ZBTB8B: variants seen among roughly 807,000 people sequenced by gnomAD.
The protein encoded by ZBTB8B is zinc finger and BTB domain-containing protein 8B.
Under a neutral mutation model 30.3 loss-of-function variants are expected in ZBTB8B, and 17 were observed. That is an observed-to-expected ratio of 0.56 (90% CI 0.38 to 0.84). The LOEUF (loss-of-function observed/expected upper bound fraction) is 0.84, where lower values mean the gene tolerates loss of function less well. ZBTB8B is among the 40% of genes least tolerant of loss of function. ZBTB8B has a pLI of 0.00. For missense variants in ZBTB8B, 515 were observed against 644.9 expected (o/e 0.80, Z 2.18); for synonymous variants, 248 against 255.6 (o/e 0.97, Z 0.28).
Position 32,485,559 on chromosome 1 carries a change from T to C in ZBTB8B, c.*141T>C, listed in dbSNP as rs1377410807. ...TTATATGTGCATTTTTATTAGACTA[T>C]CTGATAGAGGTTGGATTTTGTGACT... On this transcript the variant is annotated 3_prime_UTR_variant, in exon 4 of 4. Coordinates refer to ENST00000609129, the MANE Select transcript of ZBTB8B (RefSeq NM_001145720.2). The C allele has an allele frequency of 1.1e-5, 10 of 876,732 alleles. No individual in the cohort carries two copies. Among genetic ancestry groups the C allele is most frequent in the Admixed American group, 2.8e-5 (1 of 35,098 alleles). The allele number at this position is 876,732 out of a possible 1,614,324, so 54.3% of individuals were successfully genotyped here.
chr1:32,481,589 G>A (rs562595453), intron 3 of ZBTB8B, among the ~76,000 whole-genome samples: 2 of 152,214 alleles, frequency 1.3e-5, no homozygotes, highest in Admixed American at 6.5e-5. Flanking sequence ...ATTCCAACCC[G>A]CTGAAAACCA....
Position 32,470,849 on chromosome 1 carries a change from CT to C in ZBTB8B, c.227del (p.Phe76SerfsTer5). On this transcript the variant is annotated frameshift_variant, in exon 2 of 4. Transcript: ENST00000609129. LOFTEE classifies it high-confidence loss of function. ...ASLDIVTSDA[F>X]SIILDFLYSG... ...CCTTGGACATTGTCACCTCTGATGC[CT>C]TCTCCATCATCTTAGATTTCCTCTA... is the stretch of plus-strand genomic sequence containing the variant. The C allele has an allele frequency of 6.4e-7, 1 of 1,551,938 alleles. No homozygotes were observed. The highest frequency in any genetic ancestry group is 8.7e-7 in the Non-Finnish European group (1 of 1,147,040).
chr1:32,485,619 G>C lies in ZBTB8B; in HGVS notation c.*201G>C. On this transcript the variant is annotated 3_prime_UTR_variant, in exon 4 of 4. Coordinates refer to ENST00000609129, the MANE Select transcript of ZBTB8B (RefSeq NM_001145720.2). ...GATAACCTTTTTGTGTGGTGCCCTT[G>C]GTTTCTGAGGGCTTTGCTGGCCACT... 5.0e-6 allele frequency: 3 copies of C among 595,692 alleles called. No homozygotes were observed. The highest frequency in any genetic ancestry group is 4.1e-5 in the South Asian group (2 of 48,336). 36.9% of individuals were successfully genotyped at this position (595,692 alleles called of 1,614,324 possible).
At position 32,478,757 on chromosome 1, in the gene ZBTB8B, A is replaced by G. The variant is rs548075214; in HGVS notation, c.992-2134A>G. Among the ~76,000 whole-genome samples the G allele has an allele frequency of 5.9e-4, 90 of 152,300 alleles. 3 individuals carry two copies. In the South Asian group the frequency reaches 0.018, roughly 31 times the overall value. On this transcript the variant is annotated intron_variant, in intron 2 of 3. Coordinates refer to ENST00000609129, the MANE Select transcript of ZBTB8B (RefSeq NM_001145720.2). ...TAAAGGATGTTGGACTTTCACATTC[A>G]GTTTAGTGTGCCATACTTTTCATAG...
chr1:32,468,594 T>G (rs1218611361), intron 1 of ZBTB8B, among the ~76,000 whole-genome samples: 1 of 152,170 alleles, frequency 6.6e-6, no homozygotes, highest in African/African-American at 2.4e-5. Context: ...GAATGCATGC[T>G]GGCTAGCCCA....
At chr1:32,478,086 G>A (rs1643677660) in intron 2 of ZBTB8B, among the ~76,000 whole-genome samples, 1 of 152,028 alleles carries the variant, frequency 6.6e-6, no homozygotes, top group Non-Finnish European at 1.5e-5. Flanking sequence ...TGCACATGGT[G>A]GCACACGCCT....
At chr1:32,485,070 T>C in intron 3 of ZBTB8B, 31 bp from the exon 4 acceptor site, 5 of 1,542,246 alleles carry the variant, frequency 3.2e-6, no homozygotes, top group Non-Finnish European at 4.4e-6. Flanking sequence ...TCCTTTTCTG[T>C]GACATCTACT....
Position 32,485,537 on chromosome 1 carries a change from T to A in ZBTB8B, c.*119T>A. On this transcript the variant is annotated 3_prime_UTR_variant, in exon 4 of 4. Coordinates refer to ENST00000609129, the MANE Select transcript of ZBTB8B (RefSeq NM_001145720.2). ...GAGGAACATTTTTTCACTGTTATTA[T>A]ATGTGCATTTTTATTAGACTATCTG... 9.8e-7 allele frequency: 1 copy of A among 1,025,154 alleles called. No individual in the cohort carries two copies. Among genetic ancestry groups the A allele is most frequent in the Non-Finnish European group, 1.4e-6 (1 of 711,866 alleles). The allele number at this position is 1,025,154 out of a possible 1,614,324, so 63.5% of individuals were successfully genotyped here.
In ZBTB8B at chr1:32,474,742, C is replaced by T. The variant is rs1890343; in HGVS notation, c.991+3127C>T. 7.2e-3 allele frequency among the ~76,000 whole-genome samples: 1,099 copies of T among 152,238 alleles called. 10 individuals carry two copies. The highest frequency in any genetic ancestry group is 0.014 in the Middle Eastern group (4 of 294). ...CACAAGTCTCTCATGGTGTCCCATG[C>T]CTTTGGCAGAGGAAATATGGAGAAA... On this transcript the variant is annotated intron_variant, in intron 2 of 3. Coordinates refer to ENST00000609129, the MANE Select transcript of ZBTB8B (RefSeq NM_001145720.2).
At position 32,496,500 on chromosome 1, in the gene ZBTB8B, A is replaced by G. The variant is rs1643818257; in HGVS notation, c.*11082A>G. 1 of 152,190 alleles carries G rather than the reference A, an allele frequency of 6.6e-6. No homozygotes were observed. The highest frequency in any genetic ancestry group is 2.4e-5 in the African/African-American group (1 of 41,442). The allele number at this position is 152,190 out of a possible 1,614,324, so 9.4% of individuals were successfully genotyped here. ...CATCTTGACCATTAAAAAAATAGCA[A>G]CTGATACCTTGTTTAACAAGTAAGA... is the stretch of plus-strand genomic sequence containing the variant. On this transcript the variant is annotated 3_prime_UTR_variant, in exon 4 of 4. Transcript: ENST00000609129.
intron 1 of ZBTB8B, among the ~76,000 whole-genome samples, chr1:32,467,608 A>G (rs2148179127): frequency 6.6e-6 from 1 of 152,292 alleles, no homozygotes; most frequent in East Asian, 1.9e-4. Context: ...TTAAGAAATG[A>G]ATATTCCTTT....
At position 32,491,696 on chromosome 1, in the gene ZBTB8B, A is replaced by G. The variant is rs1021459221; in HGVS notation, c.*6278A>G. 1 of 152,240 alleles carries G rather than the reference A, an allele frequency of 6.6e-6. No homozygotes were observed. The highest frequency in any genetic ancestry group is 1.9e-4 in the East Asian group (1 of 5,202). 9.4% of individuals were successfully genotyped at this position (152,240 alleles called of 1,614,324 possible). On this transcript the variant is annotated 3_prime_UTR_variant, in exon 4 of 4. Coordinates refer to ENST00000609129, the MANE Select transcript of ZBTB8B (RefSeq NM_001145720.2). Reference sequence around the variant, plus strand: ...AAAAGACATGCCTGTTCCAAGCGTCACTGTACTTAGGGATGCCCAGAGCTG... The same window carrying G: ...AAAAGACATGCCTGTTCCAAGCGTCGCTGTACTTAGGGATGCCCAGAGCTG...
intron 1 of ZBTB8B, among the ~76,000 whole-genome samples, chr1:32,468,641 G>A (rs10914564): frequency 0.14 from 21,550 of 152,030 alleles, 1,717 homozygotes; most frequent in African/African-American, 0.2. Flanking sequence ...TGATGATAAA[G>A]GGAGACCAGT....
chr1:32,477,532 C>A (rs1364803409), intron 2 of ZBTB8B, among the ~76,000 whole-genome samples: 1 of 152,094 alleles, frequency 6.6e-6, no homozygotes, highest in Non-Finnish European at 1.5e-5. Flanking sequence ...AGATAAATAA[C>A]AAGGAAGTTC....
intron 1 of ZBTB8B, 68 bp from the exon 2 acceptor site, chr1:32,470,499 CAAAAAAAAAAAAAAAAA>C (rs60700558): frequency 7.5e-5 from 27 of 358,170 alleles, no homozygotes; most frequent in Non-Finnish European, 1.0e-4. Flanking sequence ...GACGCTGACT[CAAAAAAAAAAAAAAAAA>C]AAAAAAAAAA....
intron 3 of ZBTB8B, among the ~76,000 whole-genome samples, chr1:32,482,808 A>G (rs567240287): frequency 4.6e-5 from 7 of 152,104 alleles, no homozygotes; most frequent in Admixed American, 1.3e-4. Flanking sequence ...GAATAACTCA[A>G]TTAAACCTGG....
intron 2 of ZBTB8B, among the ~76,000 whole-genome samples, chr1:32,474,362 A>T (rs1643646128): frequency 1.4e-5 from 2 of 140,540 alleles, no homozygotes; most frequent in African/African-American, 5.4e-5. Context: ...AAAAAAAAAA[A>T]AAAAAAAAAA....
rs1232157622 is a variant in ZBTB8B, at chr1:32,490,657, T to C, written c.*5239T>C. ...CAGGCTGGAGTGCAGTGGCACAATCTCGGCTCACTGCAAGCTCCGCCTCCT... is the reference window on the plus strand; with the variant it reads ...CAGGCTGGAGTGCAGTGGCACAATCCCGGCTCACTGCAAGCTCCGCCTCCT... On this transcript the variant is annotated 3_prime_UTR_variant, in exon 4 of 4. Coordinates refer to ENST00000609129, the MANE Select transcript of ZBTB8B (RefSeq NM_001145720.2). The C allele has an allele frequency of 6.6e-6, 1 of 152,108 alleles. No individual in the cohort carries two copies. Among genetic ancestry groups the C allele is most frequent in the Non-Finnish European group, 1.5e-5 (1 of 68,052 alleles). The allele number at this position is 152,108 out of a possible 1,614,324, so 9.4% of individuals were successfully genotyped here.
chr1:32,470,525 A>T, intron 1 of ZBTB8B, 59 bp from the exon 2 acceptor site: 48 of 1,132,112 alleles, frequency 4.2e-5, no homozygotes, highest in Non-Finnish European at 5.1e-5. Context: ...AAAAAAAAAA[A>T]AGAAATCTTG....
Sources: allele counts gnomAD v4.1 joint callset (sites outside exome capture counted in the v4.1 genomes callset), GRCh38; gene constraint gnomAD v4.1.1; transcripts MANE v1.5; gene names NCBI Gene and HGNC (gene_info 2026-07-23, HGNC 2026-07-21).